The following RPAP2 variants were observed in gnomAD, a reference collection of about 807,000 sequenced individuals.
RPAP2 encodes the protein putative RNA polymerase II subunit B1 CTD phosphatase RPAP2.
RPAP2 carries 52 observed loss-of-function variants against 73.1 expected under a neutral mutation model. The ratio of observed to expected loss-of-function variants is 0.71; its 90% confidence interval spans 0.57 to 0.90. The LOEUF is 0.90. Among genes scored for constraint, RPAP2 ranks in the 40% least tolerant of loss-of-function variants. The pLI, the probability that RPAP2 is intolerant of heterozygous loss-of-function variation, is 0.00. For synonymous variants in RPAP2, 225 were observed against 242.1 expected, an observed-to-expected ratio of 0.93 and a Z score of 0.65; for missense variants, 598 against 701.8, an observed-to-expected ratio of 0.85 and a Z score of 1.67.
chr1:92,323,018 TTA>T (rs1490545306), intron 7 of RPAP2, among the ~76,000 whole-genome samples: 2 of 146,874 alleles, frequency 1.4e-5, no homozygotes, highest in African/African-American at 4.9e-5. Context: ...AATATATACT[TTA>T]TATTTTTATA....
At chr1:92,325,169 A>G (rs542521258) in intron 8 of RPAP2, among the ~76,000 whole-genome samples, 1 of 152,136 alleles carries the variant, frequency 6.6e-6, no homozygotes, top group South Asian at 2.1e-4. Flanking sequence ...ATTGATGTAT[A>G]CTCCCTGGAA....
At chr1:92,323,099 C>T (rs1304874333) in intron 7 of RPAP2, among the ~76,000 whole-genome samples, 29 of 145,268 alleles carry the variant, frequency 2.0e-4, no homozygotes, top group Non-Finnish European at 6.0e-5. Flanking sequence ...ATATTTGCAA[C>T]AACAGGCAAA....
At chr1:92,386,442 C>T (rs1009982713) in intron 12 of RPAP2, among the ~76,000 whole-genome samples, 6 of 152,114 alleles carry the variant, frequency 3.9e-5, no homozygotes, top group Admixed American at 6.6e-5. Flanking sequence ...TGTGAGCTAA[C>T]GAAATCATTC....
In RPAP2 at chr1:92,299,201, C is replaced by G. The variant is rs1375543927; in HGVS notation, c.73+55C>G. 1.5e-5 allele frequency: 17 copies of G among 1,159,532 alleles called. No individual in the cohort carries two copies. In the East Asian group the frequency reaches 4.4e-4, roughly 30 times the overall value. 71.8% of individuals were successfully genotyped at this position (1,159,532 alleles called of 1,614,324 possible). A position where few individuals can be genotyped will look rare whatever the true frequency, so the allele number is the denominator to read the frequency against. On this transcript the variant is annotated intron_variant, in intron 1 of 12. Coordinates refer to ENST00000610020, the MANE Select transcript of RPAP2 (RefSeq NM_024813.3). ...GACCCTGAAAGCTGGGCCCCGATCT[C>G]GAGTTATAGACCGCAGCGCGCGGGC... is the stretch of plus-strand genomic sequence containing the variant.
intron 8 of RPAP2, among the ~76,000 whole-genome samples, chr1:92,326,555 G>A (rs567808216): frequency 5.3e-4 from 80 of 152,308 alleles, no homozygotes; most frequent in African/African-American, 1.7e-3. Flanking sequence ...TTCAGCTACC[G>A]GAGTGGGTAG....
intron 11 of RPAP2, among the ~76,000 whole-genome samples, chr1:92,358,477 C>G (rs1467341228): frequency 6.6e-6 from 1 of 152,162 alleles, no homozygotes; most frequent in African/African-American, 2.4e-5. Flanking sequence ...ACACTATATA[C>G]TTTTCTTTCT....
chr1:92,375,759 A>C (rs1458954917), intron 11 of RPAP2, among the ~76,000 whole-genome samples: 1 of 152,120 alleles, frequency 6.6e-6, no homozygotes, highest in Non-Finnish European at 1.5e-5. Context: ...TGAACCCAAG[A>C]GGCGGAGGTT....
intron 5 of RPAP2, among the ~76,000 whole-genome samples, chr1:92,305,802 A>T (rs1301418327): frequency 6.6e-6 from 1 of 152,228 alleles, no homozygotes; most frequent in East Asian, 1.9e-4. Flanking sequence ...ACAGCCCACA[A>T]AATTGCGAAT....
Position 92,323,485 on chromosome 1 carries a change from A to T in RPAP2, c.565A>T (p.Ile189Phe), listed in dbSNP as rs1230145249. Residue 189 changes from isoleucine to phenylalanine, a missense_variant, in exon 8 of 13, where the codon ATT becomes TTT. This residue lies in a region of RPAP2 where 506 missense variants were observed against 612.8 expected (regional missense o/e 0.83). Transcript: ENST00000610020. ...GEEVQLCSKA[I>F]KTSDIDNPSH... ...AGAAGTACAGTTATGCAGTAAAGCC[A>T]TTAAAACATCAGATATCGACAATCC... 1.9e-6 allele frequency: 3 copies of T among 1,612,792 alleles called. No homozygotes were observed. Among genetic ancestry groups the T allele is most frequent in the Non-Finnish European group, 2.5e-6 (3 of 1,179,374 alleles).
At chr1:92,315,765 G>A (rs1483630605) in intron 6 of RPAP2, among the ~76,000 whole-genome samples, 1 of 152,142 alleles carries the variant, frequency 6.6e-6, no homozygotes, top group East Asian at 1.9e-4. Flanking sequence ...AGGTTTTCTA[G>A]CTCCTCATCT....
At chr1:92,359,181 AC>A (rs1465854993) in intron 11 of RPAP2, among the ~76,000 whole-genome samples, 2 of 152,242 alleles carry the variant, frequency 1.3e-5, no homozygotes, top group African/African-American at 4.8e-5. Flanking sequence ...TCTAGAATCC[AC>A]AGGATTTTGA....
rs956297058 is a variant in RPAP2 at position 92,397,136 on chromosome 1, C to T, written c.*10125C>T. 2.0e-5 allele frequency: 3 copies of T among 152,280 alleles called. No homozygotes were observed. The highest frequency in any genetic ancestry group is 7.2e-5 in the African/African-American group (3 of 41,538). The allele number at this position is 152,280 out of a possible 1,614,324, so 9.4% of individuals were successfully genotyped here. ...AGGCACAGGGGCTCACACCTGTAAT[C>T]CCAGCACTTTGGGAAGCCAAGATGG... On this transcript the variant is annotated 3_prime_UTR_variant, in exon 13 of 13. Coordinates refer to ENST00000610020, the MANE Select transcript of RPAP2 (RefSeq NM_024813.3).
At chr1:92,338,410 C>T (rs1003298640) in intron 10 of RPAP2, among the ~76,000 whole-genome samples, 2 of 152,110 alleles carry the variant, frequency 1.3e-5, no homozygotes, top group African/African-American at 2.4e-5. Flanking sequence ...TTAGTAATGA[C>T]GAGAGACATT....
chr1:92,362,002 C>T (rs886398311), intron 11 of RPAP2, among the ~76,000 whole-genome samples: 8 of 152,030 alleles, frequency 5.3e-5, no homozygotes, highest in Admixed American at 5.2e-4. Flanking sequence ...GATATTTGTT[C>T]GTTGAATTGG....
intron 12 of RPAP2, among the ~76,000 whole-genome samples, chr1:92,382,516 G>A (rs1423795809): frequency 6.6e-6 from 1 of 152,050 alleles, no homozygotes; most frequent in Non-Finnish European, 1.5e-5. Flanking sequence ...TTCTCTGATG[G>A]CCAGTGATGA....
chr1:92,307,067 TG>T, intron 5 of RPAP2, 120 bp from the exon 6 acceptor site: 1 of 655,328 alleles, frequency 1.5e-6, no homozygotes, highest in Non-Finnish European at 2.5e-6. Context: ...TTACCTTGGG[TG>T]GTAGATCTGT....
intron 5 of RPAP2, among the ~76,000 whole-genome samples, chr1:92,305,412 A>G (rs1651142469): frequency 7.2e-6 from 1 of 138,830 alleles, no homozygotes; most frequent in Middle Eastern, 3.5e-3. Context: ...CAGCCGGGGC[A>G]ACAGAGTGAG....
chr1:92,308,912 A>T (rs1651406137), intron 6 of RPAP2, among the ~76,000 whole-genome samples: 1 of 151,984 alleles, frequency 6.6e-6, no homozygotes. Flanking sequence ...GTGAGCCAAG[A>T]TCGTGCTGCT....
chr1:92,362,172 T>C (rs1654760440), intron 11 of RPAP2, among the ~76,000 whole-genome samples: 1 of 151,942 alleles, frequency 6.6e-6, no homozygotes, highest in Non-Finnish European at 1.5e-5. Context: ...GTATTAAGAG[T>C]GCTCGTTAAA....
Sources: allele counts gnomAD v4.1 joint callset (sites outside exome capture counted in the v4.1 genomes callset), GRCh38; gene constraint gnomAD v4.1.1; regional missense constraint gnomAD v4.1.1; transcripts MANE v1.5; gene names NCBI Gene and HGNC (gene_info 2026-07-23, HGNC 2026-07-21).